SLC28A2: variants seen among roughly 807,000 people sequenced by gnomAD.
SLC28A2 encodes the protein solute carrier family 28 member 2.
SLC28A2 carries 69 observed loss-of-function variants against 72.9 expected under a neutral mutation model. That is an observed-to-expected ratio of 0.95 (90% CI 0.78 to 1.16). The LOEUF (loss-of-function observed/expected upper bound fraction) is 1.16. SLC28A2 is among the 50% of genes most tolerant of loss of function. SLC28A2 has a pLI of 0.00. For synonymous variants in SLC28A2, 296 were observed against 294.1 expected (o/e 1.01, Z -0.07); for missense variants, 745 against 791.1 (o/e 0.94, Z 0.70).
In SLC28A2 at chr15:45,264,892, GGA is replaced by G. The variant is rs1180810675; in HGVS notation, c.702+130_702+131del. ...TGTGGTGGAAGATCTGGTTGGGAAA[GGA>G]GAGAGTGTACTAGGATACAGCTAAG... On this transcript the variant is annotated intron_variant, in intron 7 of 17. Coordinates refer to ENST00000347644, the MANE Select transcript of SLC28A2 (RefSeq NM_004212.4). 236 of 747,472 alleles carry G rather than the reference GGA, an allele frequency of 3.2e-4. 4 individuals carry two copies. The highest frequency in any genetic ancestry group is 3.2e-3 in the South Asian group (195 of 61,854). The allele number at this position is 747,472 out of a possible 1,614,324, so 46.3% of individuals were successfully genotyped here.
Position 45,265,658 on chromosome 15 carries a change from C to T in SLC28A2, c.856C>T (p.Gln286Ter), listed in dbSNP as rs776182310. ...YYLGLVQWVV[Q>*]KVAWFLQITM... ...CCTGGGCCTTGTGCAATGGGTAGTT[C>T]AGAAGGTGAGTCGTTCTCTTACACC... Residue 286 changes from glutamine (Q) to a stop codon, truncating the protein, a stop_gained, in exon 9 of 18, where the codon CAG becomes TAG. Coordinates refer to ENST00000347644, the MANE Select transcript of SLC28A2 (RefSeq NM_004212.4). LOFTEE classifies it high-confidence loss of function. 2 of 1,607,248 alleles carry T rather than the reference C, an allele frequency of 1.2e-6. No homozygotes were observed. The highest frequency in any genetic ancestry group is 2.7e-5 in the African/African-American group (2 of 74,760).
At chr15:45,274,464 T>G (rs931120187) in intron 17 of SLC28A2, among the ~76,000 whole-genome samples, 6 of 152,128 alleles carry the variant, frequency 3.9e-5, no homozygotes, top group African/African-American at 1.4e-4. Context: ...TGAGCCGTGA[T>G]CCGTATCACT....
At position 45,267,698 on chromosome 15, in the gene SLC28A2, G is replaced by C. The variant is rs75089424; in HGVS notation, c.1101G>C (p.Val367=). Residue 367 remains valine (V), a synonymous_variant, in exon 12 of 18, where the codon GTG becomes GTC. Transcript: ENST00000347644. ...VDASSLISAS[V]MAAPCALASS... Reference sequence around the variant, plus strand: ...CATCATCCCTGATTTCTGCCTCTGTGATGGCCGCCCCTTGTGCTCTCGCCT... The same window carrying C: ...CATCATCCCTGATTTCTGCCTCTGTCATGGCCGCCCCTTGTGCTCTCGCCT... The C allele has an allele frequency of 6.9e-5, 111 of 1,614,106 alleles. No homozygotes were observed. The African/African-American group carries it at 1.4e-3, about 20-fold the overall frequency.
chr15:45,269,643 C>T (rs1791988706), intron 14 of SLC28A2, 108 bp downstream of exon 14: 5 of 925,492 alleles, frequency 5.4e-6, no homozygotes, highest in Middle Eastern at 2.3e-4. Flanking sequence ...AGATGCCTTT[C>T]TGGGGTCGCA....
chr15:45,270,342 TC>T, intron 15 of SLC28A2, 66 bp downstream of exon 15: 1 of 1,042,234 alleles, frequency 9.6e-7, no homozygotes, highest in Non-Finnish European at 1.5e-6. Flanking sequence ...TAGTGGGCAG[TC>T]CTGGTGCTTC....
chr15:45,265,853 G>A (rs964595005), intron 9 of SLC28A2, among the ~76,000 whole-genome samples, 190 bp downstream of exon 9: 9 of 152,200 alleles, frequency 5.9e-5, no homozygotes, highest in African/African-American at 1.9e-4. Flanking sequence ...GAGAGAAGAT[G>A]AGCTGGACTG....
chr15:45,269,142 A>C (rs186074802), intron 13 of SLC28A2, among the ~76,000 whole-genome samples, 196 bp from the exon 14 acceptor site: 2 of 151,902 alleles, frequency 1.3e-5, no homozygotes, highest in Admixed American at 1.3e-4. Context: ...CATTGTGCAC[A>C]TGTACCCTAA....
chr15:45,253,317 T>C, intron 2 of SLC28A2, 21 bp downstream of exon 2: 2 of 1,598,940 alleles, frequency 1.3e-6, no homozygotes, highest in Non-Finnish European at 8.6e-7. Context: ...GTTTAGTTTC[T>C]CTCTGCAGAG....
At chr15:45,269,729 T>G (rs753936876) in intron 14 of SLC28A2, among the ~76,000 whole-genome samples, 194 bp downstream of exon 14, 2 of 152,156 alleles carry the variant, frequency 1.3e-5, no homozygotes, top group Non-Finnish European at 2.9e-5. Flanking sequence ...TGGGTCTGCA[T>G]GCTATTTTCC....
At chr15:45,264,469 CAT>C (rs1229730404) in intron 6 of SLC28A2, among the ~76,000 whole-genome samples, 184 bp from the exon 7 acceptor site, 1 of 152,124 alleles carries the variant, frequency 6.6e-6, no homozygotes, top group Non-Finnish European at 1.5e-5. Flanking sequence ...ACCTTATGAA[CAT>C]ATGTGGCTTT....
chr15:45,262,139 C>A, intron 4 of SLC28A2, 33 bp downstream of exon 4: 2 of 1,475,060 alleles, frequency 1.4e-6, no homozygotes, highest in Non-Finnish European at 1.9e-6. Flanking sequence ...AAGTGAGAAA[C>A]ACAGTTATTT....
intron 3 of SLC28A2, among the ~76,000 whole-genome samples, chr15:45,254,241 G>A (rs900625755): frequency 1.3e-5 from 2 of 151,696 alleles, no homozygotes; most frequent in African/African-American, 4.8e-5. Context: ...GCTGAGAAGA[G>A]GACATTGGAT....
At chr15:45,266,756 T>C (rs528779775) in intron 10 of SLC28A2, among the ~76,000 whole-genome samples, 2 of 152,342 alleles carry the variant, frequency 1.3e-5, no homozygotes, top group Non-Finnish European at 1.5e-5. Flanking sequence ...AGAGTACTTC[T>C]GGATACTTTA....
intron 4 of SLC28A2, among the ~76,000 whole-genome samples, chr15:45,262,670 C>T (rs376179377): frequency 6.6e-6 from 1 of 152,128 alleles, no homozygotes; most frequent in African/African-American, 2.4e-5. Context: ...TGGTTTGTTC[C>T]AGAGGCAAGG....
Position 45,267,759 on chromosome 15 carries a change from A to C in SLC28A2, c.1162A>C (p.Lys388Gln), listed in dbSNP as rs1900390936. Residue 388 changes from lysine to glutamine, a missense_variant, in exon 12 of 18, where the codon AAG becomes CAG. Coordinates refer to ENST00000347644, the MANE Select transcript of SLC28A2 (RefSeq NM_004212.4). ...KLAYPEVEESKFKSEEGVKLP... is the reference protein window; with the variant it reads ...KLAYPEVEESQFKSEEGVKLP... ...AGCGTATCCGGAAGTGGAGGAGTCCAAGTTCAAGAGTGAGGAGGGGGTAAA... is the reference window on the plus strand; with the variant it reads ...AGCGTATCCGGAAGTGGAGGAGTCCCAGTTCAAGAGTGAGGAGGGGGTAAA... The C allele has an allele frequency of 6.2e-7, 1 of 1,614,056 alleles. No homozygotes were observed.
rs1376884211 is a variant in SLC28A2, at chr15:45,275,750, A to T, written c.*237A>T. 3.0e-6 allele frequency: 1 copy of T among 329,896 alleles called. No individual in the cohort carries two copies. Among genetic ancestry groups the T allele is most frequent in the Non-Finnish European group, 5.6e-6 (1 of 178,262 alleles). The allele number at this position is 329,896 out of a possible 1,614,324, so 20.4% of individuals were successfully genotyped here. On this transcript the variant is annotated 3_prime_UTR_variant, in exon 18 of 18. Coordinates refer to ENST00000347644, the MANE Select transcript of SLC28A2 (RefSeq NM_004212.4). ...GGAGATCGAGACCATCCTGGCTAAC[A>T]CAGTGAAACCCCGTCTCTACTAAAA...
chr15:45,262,121 AT>A lies in SLC28A2; in HGVS notation c.262+17del, dbSNP rs769366321. 8.4e-6 allele frequency: 13 copies of A among 1,550,740 alleles called. No homozygotes were observed. The highest frequency in any genetic ancestry group is 1.2e-5 in the Non-Finnish European group (13 of 1,123,124). On this transcript the variant is annotated intron_variant, in intron 4 of 17. Coordinates refer to ENST00000347644, the MANE Select transcript of SLC28A2 (RefSeq NM_004212.4). The stretch of plus-strand genomic sequence containing the variant: ...GTTGTGTTTGGGTGAGATATTGAGA[AT>A]TCATGAAAGTGAGAAACACAGTTAT...
Position 45,269,473 on chromosome 15 carries a change from T to C in SLC28A2, c.1504T>C (p.Tyr502His). The change falls in exon 14 of 18, where the codon TAC (tyrosine) becomes CAC (histidine). Residue 502 changes from tyrosine to histidine, a missense_variant. Transcript: ENST00000347644. ...TGTGGCTTATCAGCAACTGTCTCAA[T>C]ACAAGAACAAACGTCTCTCTGGAAT... ...EFVAYQQLSQ[Y>H]KNKRLSGMEE... The C allele has an allele frequency of 6.2e-7, 1 of 1,614,104 alleles. No individual in the cohort carries two copies. The highest frequency in any genetic ancestry group is 8.5e-7 in the Non-Finnish European group (1 of 1,179,972).
intron 9 of SLC28A2, 53 bp from the exon 10 acceptor site, chr15:45,266,028 G>A (rs1353189718): frequency 1.6e-6 from 2 of 1,289,962 alleles, no homozygotes; most frequent in African/African-American, 2.9e-5. Flanking sequence ...TTTGCGAGAT[G>A]TTCTCCAAGA....
Sources: allele counts gnomAD v4.1 joint callset (sites outside exome capture counted in the v4.1 genomes callset), GRCh38; gene constraint gnomAD v4.1.1; transcripts MANE v1.5; gene names NCBI Gene and HGNC (gene_info 2026-07-23, HGNC 2026-07-21).